The following PRKG1 variants were observed in gnomAD, a reference collection of about 807,000 sequenced individuals.
PRKG1 encodes cGMP-dependent protein kinase 1.
Under a neutral mutation model 88.1 loss-of-function variants are expected in PRKG1, and 35 were observed. The ratio of observed to expected loss-of-function variants is 0.40; its 90% CI spans 0.30 to 0.53. PRKG1 has a LOEUF of 0.53. PRKG1 is among the 20% of genes least tolerant of loss of function. PRKG1 has a pLI of 0.59. For synonymous variants in PRKG1, 303 were observed against 292.5 expected (o/e 1.04, Z -0.37); for missense variants, 540 against 839.8 (o/e 0.64, Z 4.41).
intron 4 of PRKG1, among the ~76,000 whole-genome samples, chr10:51,809,527 G>A (rs958731951): frequency 7.9e-5 from 12 of 152,184 alleles, no homozygotes; most frequent in Admixed American, 7.9e-4. Flanking sequence ...ACCCAGAGGA[G>A]CATTAGTATG....
rs1206925529 is a variant in PRKG1, at chr10:51,829,080, GAGA to G, written c.698+24393_698+24395del. Among the ~76,000 whole-genome samples the G allele has an allele frequency of 3.9e-5, 6 of 152,282 alleles. No homozygotes were observed. In the East Asian group the frequency reaches 1.2e-3, roughly 29 times the overall value. On this transcript the variant is annotated intron_variant, in intron 4 of 17. Coordinates refer to ENST00000373980, the MANE Select transcript of PRKG1 (RefSeq NM_006258.4). ...GCAGTCTCATCTGAAGCCTCAACTG[GAGA>G]AGGAGGGTGTGAGAATCTGCTTCAA...
At chr10:51,276,612 C>T (rs1308726777) in intron 2 of PRKG1, among the ~76,000 whole-genome samples, 2 of 152,260 alleles carry the variant, frequency 1.3e-5, no homozygotes, top group East Asian at 1.9e-4. Flanking sequence ...TTCTCCACAT[C>T]CTCTCCAGCA....
intron 3 of PRKG1, among the ~76,000 whole-genome samples, chr10:51,649,977 G>C (rs1394179379): frequency 6.6e-6 from 1 of 152,174 alleles, no homozygotes; most frequent in Non-Finnish European, 1.5e-5. Flanking sequence ...GAAGAGTCCT[G>C]TGAGACTACG....
chr10:51,679,604 T>C (rs1351572228), intron 3 of PRKG1, among the ~76,000 whole-genome samples: 1 of 152,108 alleles, frequency 6.6e-6, no homozygotes, highest in Non-Finnish European at 1.5e-5. Flanking sequence ...AACTAGGTCT[T>C]GCCTTATCTC....
intron 2 of PRKG1, among the ~76,000 whole-genome samples, chr10:51,167,609 G>A (rs918947870): frequency 2.0e-5 from 3 of 152,210 alleles, no homozygotes; most frequent in African/African-American, 7.2e-5. Flanking sequence ...AGCCATAGCA[G>A]TAATCGAAGC....
In PRKG1 at chr10:51,147,072, T is replaced by G. The variant is rs984602940; in HGVS notation, c.312-6092T>G. Among the ~76,000 whole-genome samples, 10 of 152,166 alleles carry G rather than the reference T, an allele frequency of 6.6e-5. No homozygotes were observed. The East Asian group carries it at 1.9e-3, about 29-fold the overall frequency. ...AAATATAAATACTGCATGTTCTCAC[T>G]AATATGTAGATTGAATGCATAAAAG... is the stretch of plus-strand genomic sequence containing the variant. On this transcript the variant is annotated intron_variant, in intron 1 of 17. Coordinates refer to ENST00000373980, the MANE Select transcript of PRKG1 (RefSeq NM_006258.4).
At chr10:51,446,907 T>C (rs1484096318) in intron 2 of PRKG1, among the ~76,000 whole-genome samples, 1 of 152,028 alleles carries the variant, frequency 6.6e-6, no homozygotes, top group African/African-American at 2.4e-5. Context: ...GACAAACCTT[T>C]TCCTAAATCA....
chr10:51,224,163 C>T (rs772193421), intron 2 of PRKG1, among the ~76,000 whole-genome samples: 32 of 152,154 alleles, frequency 2.1e-4, no homozygotes, highest in Non-Finnish European at 2.4e-4. Flanking sequence ...TCATCTAGAC[C>T]TGCCAAGTGT....
intron 9 of PRKG1, among the ~76,000 whole-genome samples, chr10:52,192,466 C>A (rs192228221): frequency 6.6e-6 from 1 of 152,172 alleles, no homozygotes; most frequent in East Asian, 1.9e-4. Context: ...CCTAATCTTG[C>A]AGTATTCCCA....
chr10:51,036,170 T>G (rs1843351918), intron 1 of PRKG1, among the ~76,000 whole-genome samples: 1 of 152,144 alleles, frequency 6.6e-6, no homozygotes, highest in Admixed American at 6.5e-5. Context: ...AGAGCCTACC[T>G]ATGTCATTAG....
chr10:51,066,082 C>A (rs763142246), intron 1 of PRKG1, among the ~76,000 whole-genome samples: 9 of 151,712 alleles, frequency 5.9e-5, no homozygotes, highest in Non-Finnish European at 1.2e-4. Context: ...TAGGTCTTCA[C>A]GGGCAAAAAG....
intron 3 of PRKG1, among the ~76,000 whole-genome samples, chr10:51,590,667 A>G (rs1838289529): frequency 6.6e-6 from 1 of 152,154 alleles, no homozygotes; most frequent in Non-Finnish European, 1.5e-5. Flanking sequence ...CTGCTCAGCC[A>G]TTGTGTCTGT....
intron 1 of PRKG1, among the ~76,000 whole-genome samples, chr10:51,115,385 A>ATATATATATAT (rs1554837458): frequency 2.6e-4 from 25 of 94,528 alleles, no homozygotes; most frequent in African/African-American, 3.1e-4. Flanking sequence ...ATATATATAT[A>ATATATATATAT]AAACAAATGT....
At chr10:52,031,873 T>C (rs1005941247) in intron 5 of PRKG1, among the ~76,000 whole-genome samples, 1 of 152,118 alleles carries the variant, frequency 6.6e-6, no homozygotes, top group African/African-American at 2.4e-5. Flanking sequence ...ATTTTATAAG[T>C]AGAAATGGTA....
chr10:51,164,302 C>G (rs937657086), intron 2 of PRKG1, among the ~76,000 whole-genome samples: 4 of 152,272 alleles, frequency 2.6e-5, no homozygotes, highest in Admixed American at 1.3e-4. Flanking sequence ...TGGAGTGGAC[C>G]GCTAGCAAAC....
Position 52,251,763 on chromosome 10 carries a change from T to A in PRKG1, c.1173+97T>A, listed in dbSNP as rs1589735270. On this transcript the variant is annotated intron_variant, in intron 10 of 17. Transcript: ENST00000373980. Reference sequence around the variant, plus strand: ...TTCTTTCTTTTCTCTTGTTTTGTCTTTCATCATTAATTACCATGATTCCTA... The same window carrying A: ...TTCTTTCTTTTCTCTTGTTTTGTCTATCATCATTAATTACCATGATTCCTA... 7 of 1,026,272 alleles carry A rather than the reference T, an allele frequency of 6.8e-6. No homozygotes were observed. The South Asian group carries it at 1.1e-4, about 16-fold the overall frequency. 63.6% of individuals were successfully genotyped at this position (1,026,272 alleles called of 1,614,324 possible).
intron 3 of PRKG1, among the ~76,000 whole-genome samples, chr10:51,673,108 T>C (rs1840625228): frequency 6.6e-6 from 1 of 152,194 alleles, no homozygotes; most frequent in Admixed American, 6.5e-5. Flanking sequence ...TCTAGTTTTA[T>C]TCATTCTTTT....
At chr10:52,038,777 G>T (rs1369815280) in intron 5 of PRKG1, among the ~76,000 whole-genome samples, 3 of 152,168 alleles carry the variant, frequency 2.0e-5, no homozygotes, top group Non-Finnish European at 4.4e-5. Context: ...CCAGGGGAAG[G>T]CTGCCTTCCC....
intron 2 of PRKG1, among the ~76,000 whole-genome samples, chr10:51,308,926 G>T (rs1017234011): frequency 6.6e-6 from 1 of 152,118 alleles, no homozygotes; most frequent in Non-Finnish European, 1.5e-5. Context: ...TGGTGCTGAC[G>T]GTATGATGAG....
Sources: gnomAD v4.1 joint callset for allele counts (sites outside exome capture counted in the v4.1 genomes callset) on GRCh38, gnomAD v4.1.1 for gene constraint, MANE v1.5 for transcripts, NCBI Gene and HGNC (gene_info 2026-07-23, HGNC 2026-07-21) for gene names.